Variants in GPR107 observed in about 807,000 individuals in gnomAD.
GPR107 encodes protein GPR107.
GPR107 carries 31 observed loss-of-function variants against 75.5 expected under a neutral mutation model. The observed-to-expected ratio is 0.41, with a 90% CI of 0.31 to 0.55. GPR107 has a LOEUF of 0.55. Ranked by LOEUF, GPR107 falls within the 20% of genes least tolerant of loss-of-function variation. The pLI, the probability that GPR107 is intolerant of heterozygous loss-of-function variation, is 0.26. For missense variants in GPR107, 572 were observed against 665.7 expected, an observed-to-expected ratio of 0.86 and a Z score of 1.55; for synonymous variants, 267 against 251.3, an observed-to-expected ratio of 1.06 and a Z score of -0.59.
chr9:130,104,699 C>T lies in GPR107; in HGVS notation c.1262+149C>T, dbSNP rs1831121500. ...GTCCCAGACTGACCTGAATCAGCCTCCAGGGGCAGAACCCTGTGTCTTTTT... is the reference window on the plus strand; with the variant it reads ...GTCCCAGACTGACCTGAATCAGCCTTCAGGGGCAGAACCCTGTGTCTTTTT... On this transcript the variant is annotated intron_variant, in intron 13 of 17. Transcript: ENST00000347136. 4.6e-6 allele frequency: 3 copies of T among 658,924 alleles called. No individual in the cohort carries two copies. The East Asian group carries it at 8.2e-5, about 18-fold the overall frequency. The allele number at this position is 658,924 out of a possible 1,614,324, so 40.8% of individuals were successfully genotyped here.
intron 13 of GPR107, among the ~76,000 whole-genome samples, 153 bp from the exon 14 acceptor site, chr9:130,107,343 C>A (rs879679989): frequency 2.6e-5 from 4 of 152,190 alleles, no homozygotes; most frequent in African/African-American, 9.7e-5. Context: ...CATTTCCCCC[C>A]CTCTACCCGT....
At chr9:130,085,754 A>ATATTTTTTTTTT (rs1554893154) in intron 6 of GPR107, among the ~76,000 whole-genome samples, 1 of 78,674 alleles carries the variant, frequency 1.3e-5, no homozygotes, top group Non-Finnish European at 2.4e-5. Context: ...CAATATTTTG[A>ATATTTTTTTTTT]TTTTTTTTTT....
chr9:130,067,752 C>CCTTTT (rs1554890696), intron 1 of GPR107, among the ~76,000 whole-genome samples: 2 of 116,842 alleles, frequency 1.7e-5, no homozygotes, highest in Non-Finnish European at 1.7e-5. Context: ...CCACCGCCCC[C>CCTTTT]TTTTTTTTTT....
intron 1 of GPR107, among the ~76,000 whole-genome samples, chr9:130,054,415 C>A (rs968585694): frequency 6.6e-6 from 1 of 152,214 alleles, no homozygotes; most frequent in Non-Finnish European, 1.5e-5. Flanking sequence ...TCTTTCTCCC[C>A]TCCAGCTTTT....
At chr9:130,057,749 ATTC>A (rs1297383611) in intron 1 of GPR107, among the ~76,000 whole-genome samples, 1 of 151,478 alleles carries the variant, frequency 6.6e-6, no homozygotes, top group African/African-American at 2.4e-5. Flanking sequence ...ATTTTCCACC[ATTC>A]TTCTGGCTTT....
chr9:130,134,106 G>A (rs1195471776), intron 17 of GPR107, among the ~76,000 whole-genome samples: 1 of 152,102 alleles, frequency 6.6e-6, no homozygotes, highest in East Asian at 1.9e-4. Context: ...TCCACCATGG[G>A]GGAGCATAAA....
intron 5 of GPR107, among the ~76,000 whole-genome samples, chr9:130,080,364 T>A (rs892126069): frequency 8.5e-5 from 13 of 152,196 alleles, no homozygotes; most frequent in Admixed American, 3.9e-4. Context: ...TATATTCTTA[T>A]CAGAAATATG....
intron 9 of GPR107, among the ~76,000 whole-genome samples, chr9:130,094,681 G>GT (rs540126705): frequency 0.033 from 4,889 of 149,448 alleles, 83 homozygotes; most frequent in African/African-American, 0.042. Context: ...GTTTGTTTTT[G>GT]TTTTTTTTTG....
rs981110402 is a variant in GPR107 at position 130,112,457 on chromosome 9, A to G, written c.1306+4918A>G. On this transcript the variant is annotated intron_variant, in intron 14 of 17. Coordinates refer to ENST00000347136, the MANE Select transcript of GPR107 (RefSeq NM_020960.5). This position sits in a 1 kb window ranked among gnomAD's most constrained non-coding sequence, Gnocchi z 4.0. ...ATTGCCGGCACCGTCACGTGATTCC[A>G]GGCTGTGGTACCAGAATCTGCCAGT... Among the ~76,000 whole-genome samples, 16 of 152,238 alleles carry G rather than the reference A, an allele frequency of 1.1e-4. No individual in the cohort carries two copies. The highest frequency in any genetic ancestry group is 3.6e-4 in the African/African-American group (15 of 41,464).
intron 5 of GPR107, among the ~76,000 whole-genome samples, chr9:130,080,471 G>GTTTA (rs59817565): frequency 0.14 from 19,805 of 146,482 alleles, 1,460 homozygotes; most frequent in African/African-American, 0.17. Context: ...AGGTATTCCT[G>GTTTA]TTTATTTATT....
rs140756929 is a variant in GPR107, at chr9:130,099,249, A to T, written c.864-208A>T. Among the ~76,000 whole-genome samples the T allele has an allele frequency of 5.2e-3, 797 of 152,138 alleles. 7 individuals carry two copies. The highest frequency in any genetic ancestry group is 0.018 in the African/African-American group (761 of 41,494). On this transcript the variant is annotated intron_variant, in intron 9 of 17. Coordinates refer to ENST00000347136, the MANE Select transcript of GPR107 (RefSeq NM_020960.5). ...GCTTGATCGCTTGAGCCTGAGTTCA[A>T]GGCTGCAGTGAGCCGTGATGACACC... is the stretch of plus-strand genomic sequence containing the variant.
In GPR107 at chr9:130,103,548, CGGGCCTGAGTACAGAGCTTAATAGT is replaced by C. The variant is rs1168181141; in HGVS notation, c.1132-860_1132-836del. On this transcript the variant is annotated intron_variant, in intron 12 of 17. Coordinates refer to ENST00000347136, the MANE Select transcript of GPR107 (RefSeq NM_020960.5). This position sits in a 1 kb window ranked among gnomAD's most constrained non-coding sequence, Gnocchi z 4.3. ...AAGACTTATGCTAAGAGCCTAATAA[CGGGCCTGAGTACAGAGCTTAATAGT>C]GGGCCTGAGTATATGAGGCTGTAGG... 7.1e-6 allele frequency among the ~76,000 whole-genome samples: 1 copy of C among 140,934 alleles called. No homozygotes were observed. The highest frequency in any genetic ancestry group is 1.6e-5 in the Non-Finnish European group (1 of 62,486). 92.5% of individuals were successfully genotyped at this position (140,934 alleles called of 152,430 possible). A position where few individuals can be genotyped will look rare whatever the true frequency, so the allele number is the denominator to read the frequency against.
chr9:130,118,815 A>G (rs75776870), intron 14 of GPR107, among the ~76,000 whole-genome samples: 3,402 of 152,256 alleles, frequency 0.022, 52 homozygotes, highest in Middle Eastern at 0.034. Context: ...CCATTGCTAT[A>G]AAGGAATTCT....
At chr9:130,106,144 C>A (rs1243248206) in intron 13 of GPR107, among the ~76,000 whole-genome samples, 1 of 152,146 alleles carries the variant, frequency 6.6e-6, no homozygotes, top group Non-Finnish European at 1.5e-5. Flanking sequence ...ATATAAGGAA[C>A]CCCAACAAGC....
intron 15 of GPR107, among the ~76,000 whole-genome samples, chr9:130,126,056 C>CA (rs569390895): frequency 0.021 from 2,354 of 113,318 alleles, 61 homozygotes; most frequent in African/African-American, 0.066. Context: ...GACTCTGTCT[C>CA]AAAAAAAAAA....
At chr9:130,115,961 A>G (rs1831420090) in intron 14 of GPR107, among the ~76,000 whole-genome samples, 1 of 152,190 alleles carries the variant, frequency 6.6e-6, no homozygotes, top group Non-Finnish European at 1.5e-5. Flanking sequence ...TTTAATCACC[A>G]AAACTCTCTT....
chr9:130,114,093 G>A (rs1385099148), intron 14 of GPR107, among the ~76,000 whole-genome samples: 1 of 141,656 alleles, frequency 7.1e-6, no homozygotes, highest in Non-Finnish European at 1.5e-5. Context: ...TTGGGGCCAG[G>A]CACAGTGGCT....
intron 2 of GPR107, among the ~76,000 whole-genome samples, chr9:130,076,195 A>G (rs1054608379): frequency 1.3e-5 from 2 of 152,260 alleles, no homozygotes; most frequent in African/African-American, 4.8e-5. Flanking sequence ...TATATCAGGC[A>G]TCAAATAATT....
intron 14 of GPR107, chr9:130,121,060 G>A (rs13298518): frequency 0.038 from 5,712 of 152,210 alleles, 137 homozygotes; most frequent in Middle Eastern, 0.085. Context: ...AGCTGGACGC[G>A]ATGGTGTGCG....
Sources: gnomAD v4.1 joint callset for allele counts (sites outside exome capture counted in the v4.1 genomes callset) on GRCh38, gnomAD v4.1.1 for gene constraint, Gnocchi (gnomAD v3.1) non-coding constraint, MANE v1.5 for transcripts, NCBI Gene and HGNC (gene_info 2026-07-23, HGNC 2026-07-21) for gene names.